Variants in LFNG observed in about 807,000 individuals in gnomAD.
LFNG encodes the protein beta-1,3-N-acetylglucosaminyltransferase lunatic fringe.
LFNG carries 15 observed loss-of-function variants against 32.7 expected under a neutral mutation model. That is an observed-to-expected ratio of 0.46 (90% CI 0.31 to 0.71). The LOEUF (loss-of-function observed/expected upper bound fraction) is 0.71, where lower values mean the gene tolerates loss of function less well. Among genes scored for constraint, LFNG ranks in the 30% least tolerant of loss-of-function variants. The pLI, the probability that LFNG is intolerant of heterozygous loss-of-function variation, is 0.06. For synonymous variants in LFNG, 274 were observed against 246.8 expected (o/e 1.11, Z -1.03); for missense variants, 520 against 545.7 (o/e 0.95, Z 0.47).
rs1221712648 is a variant in LFNG at position 2,519,997 on chromosome 7, G to T, written c.136G>T (p.Ala46Ser). The change falls in exon 1 of 8, where the codon GCG (alanine) becomes TCG (serine). Residue 46 changes from alanine (A) to serine (S), a missense_variant. By Grantham distance (99) the Ala-to-Ser change is moderately conservative. This residue lies in a region of LFNG where 360 missense variants were observed against 354.7 expected (regional missense o/e 1.01). Transcript: ENST00000222725. ...ERGRRALRSL[A>S]GPAGAAPAPG... ...CGGCCGGCGCGCGCTGCGCAGCCTGGCGGGCCCCGCGGGGGCTGCCCCGGC... is the reference window on the plus strand; with the variant it reads ...CGGCCGGCGCGCGCTGCGCAGCCTGTCGGGCCCCGCGGGGGCTGCCCCGGC... The T allele has an allele frequency of 2.0e-6, 2 of 983,436 alleles. No individual in the cohort carries two copies. Among genetic ancestry groups the T allele is most frequent in the East Asian group, 2.3e-4 (2 of 8,746 alleles). 60.9% of individuals were successfully genotyped at this position (983,436 alleles called of 1,614,324 possible). A position where few individuals can be genotyped will look rare whatever the true frequency, so the allele number is the denominator to read the frequency against.
At chr7:2,513,337 G>T (rs754983767), upstream of LFNG, 1 of 1,584,494 alleles carries the variant, frequency 6.3e-7, no homozygotes, top group Non-Finnish European at 8.6e-7. Flanking sequence ...AGGTGTGATC[G>T]CCATTCCTGG....
upstream of LFNG, among the ~76,000 whole-genome samples, chr7:2,517,515 C>T (rs962283388): frequency 6.6e-6 from 1 of 152,160 alleles, no homozygotes; most frequent in Non-Finnish European, 1.5e-5. Flanking sequence ...CACATTGCTC[C>T]CACGACCTGC....
rs1032403080 is a variant in LFNG at position 2,526,111 on chromosome 7, G to T, written c.822-133G>T. On this transcript the variant is annotated intron_variant, in intron 5 of 7. Transcript: ENST00000222725. This position sits in a 1 kb window ranked among gnomAD's most constrained non-coding sequence, Gnocchi z 6.9. Reference sequence around the variant, plus strand: ...TGGCTGTGGCCAGGGGAGGCAGAGGGAGCTGCAGCCCAGAGCTCTCCTCAG... The same window carrying T: ...TGGCTGTGGCCAGGGGAGGCAGAGGTAGCTGCAGCCCAGAGCTCTCCTCAG... 9.0e-6 allele frequency: 8 copies of T among 887,362 alleles called. No individual in the cohort carries two copies. The highest frequency in any genetic ancestry group is 1.7e-6 in the Non-Finnish European group (1 of 579,702). The allele number at this position is 887,362 out of a possible 1,614,324, so 55.0% of individuals were successfully genotyped here.
chr7:2,525,282 C>T lies in LFNG; in HGVS notation c.545C>T (p.Ala182Val), dbSNP rs868274958. ...HSRQALSCKMAVEYDRFIESG... is the reference protein window; with the variant it reads ...HSRQALSCKMVVEYDRFIESG... ...CGCCAGGCGCTGTCCTGCAAGATGGCCGTGGAGTATGACCGCTTCATCGAG... is the reference window on the plus strand; with the variant it reads ...CGCCAGGCGCTGTCCTGCAAGATGGTCGTGGAGTATGACCGCTTCATCGAG... The change falls in exon 3 of 8, where the codon GCC (alanine) becomes GTC (valine). Residue 182 changes from alanine to valine, a missense_variant. By Grantham distance (64) the Ala-to-Val change is moderately conservative. Around this residue, in one of 3 missense-constraint regions of LFNG, gnomAD observed 360 missense variants for 354.7 expected, o/e 1.01. Coordinates refer to ENST00000222725, the MANE Select transcript of LFNG (RefSeq NM_001040167.2). 1 of 1,613,016 alleles carries T rather than the reference C, an allele frequency of 6.2e-7. No individual in the cohort carries two copies. The highest frequency in any genetic ancestry group is 8.5e-7 in the Non-Finnish European group (1 of 1,179,896).
Position 2,526,228 on chromosome 7 carries a change from C to T in LFNG, c.822-16C>T. 1.2e-6 allele frequency: 2 copies of T among 1,612,354 alleles called. No homozygotes were observed. Among genetic ancestry groups the T allele is most frequent in the South Asian group, 1.1e-5 (1 of 91,076 alleles). On this transcript the variant is annotated splice_polypyrimidine_tract_variant and intron_variant, in intron 5 of 7. Transcript: ENST00000222725. This position sits in a 1 kb window ranked among gnomAD's most constrained non-coding sequence, Gnocchi z 6.9. Reference sequence around the variant, plus strand: ...TCCCGCCTCTGCTCACTGGTCTGGGCCCTTCCCTCCCGCAGCGGGGGTCAC... The same window carrying T: ...TCCCGCCTCTGCTCACTGGTCTGGGTCCTTCCCTCCCGCAGCGGGGGTCAC...
rs760970272 is a variant in LFNG, at chr7:2,526,264, C to T, written c.842C>T (p.Thr281Met). Residue 281 changes from threonine to methionine, a missense_variant, in exon 6 of 8, where the codon ACG becomes ATG. Around this residue, in one of 3 missense-constraint regions of LFNG, gnomAD observed 150 missense variants for 159.9 expected, o/e 0.94. Transcript: ENST00000222725. The surrounding 1 kb of genome is among the most constrained non-coding windows in gnomAD (Gnocchi z 6.9). ...PWASGGHFMN[T>M]AERIRLPDDC... The stretch of plus-strand genomic sequence containing the variant: ...CGCAGCGGGGGTCACTTCATGAATA[C>T]GGCTGAGCGGATCCGGCTGCCTGAT... 114 of 1,612,802 alleles carry T rather than the reference C, an allele frequency of 7.1e-5. No individual in the cohort carries two copies. The highest frequency in any genetic ancestry group is 1.8e-4 in the Admixed American group (11 of 60,004).
At chr7:2,528,997 G>A (rs1463420021), downstream of LFNG, 2 of 483,754 alleles carry the variant, frequency 4.1e-6, no homozygotes, top group African/African-American at 2.0e-5. Flanking sequence ...AGCTGGTAAT[G>A]CTGCACCTCC....
chr7:2,526,450 A>G lies in LFNG; in HGVS notation c.987+41A>G. On this transcript the variant is annotated intron_variant, in intron 6 of 7. Transcript: ENST00000222725. This position sits in a 1 kb window ranked among gnomAD's most constrained non-coding sequence, Gnocchi z 6.9. The stretch of plus-strand genomic sequence containing the variant: ...GGCCCCGCCAGGACTCCGAGAGCAC[A>G]GGAAGGGACGTGTGGCTGCCGAGAG... 1.9e-6 allele frequency: 3 copies of G among 1,598,866 alleles called. No homozygotes were observed. Among genetic ancestry groups the G allele is most frequent in the Non-Finnish European group, 2.5e-6 (3 of 1,178,052 alleles).
upstream of LFNG, chr7:2,517,680 AC>A (rs746775717): frequency 2.2e-6 from 1 of 461,050 alleles, no homozygotes; most frequent in Non-Finnish European, 4.3e-6. Flanking sequence ...CATGGCACCC[AC>A]CATCGGTGCC....
chr7:2,513,352 A>T (rs286560), upstream of LFNG: 1 of 1,565,930 alleles, frequency 6.4e-7, no homozygotes, highest in Non-Finnish European at 8.7e-7. Flanking sequence ...TCCTGGGGAC[A>T]TAACCTCCCC....
chr7:2,526,982 C>G lies in LFNG; in HGVS notation c.1073+61C>G. 6.6e-7 allele frequency: 1 copy of G among 1,506,158 alleles called. No homozygotes were observed. The highest frequency in any genetic ancestry group is 9.2e-7 in the Non-Finnish European group (1 of 1,088,476). The allele number at this position is 1,506,158 out of a possible 1,614,324, so 93.3% of individuals were successfully genotyped here. A position where few individuals can be genotyped will look rare whatever the true frequency, so the allele number is the denominator to read the frequency against. ...GTGGCCTAGGGGCGTCAGGGGGCCT[C>G]GTGGAGCTGCAGCAGGGTCTCTCTA... On this transcript the variant is annotated intron_variant, in intron 7 of 7. Coordinates refer to ENST00000222725, the MANE Select transcript of LFNG (RefSeq NM_001040167.2). The surrounding 1 kb of genome is among the most constrained non-coding windows in gnomAD (Gnocchi z 6.9).
Position 2,520,146 on chromosome 7 carries a change from C to T in LFNG, c.285C>T (p.Ala95=), listed in dbSNP as rs1159608993. The change falls in exon 1 of 8, where the codon GCC becomes GCT. Residue 95 remains alanine, a synonymous_variant. Transcript: ENST00000222725. The surrounding 1 kb of genome is among the most constrained non-coding windows in gnomAD (Gnocchi z 5.0). ...ATGCGGGCCCGCCGCCCGGGGCTGCCCCCCGCCCCGCCGACGGCCACCCGC... is the reference window on the plus strand; with the variant it reads ...ATGCGGGCCCGCCGCCCGGGGCTGCTCCCCGCCCCGCCGACGGCCACCCGC... ...RRDAGPPPGA[A]PRPADGHPRP... is the part of the protein sequence containing the mutation. 3 of 1,440,452 alleles carry T rather than the reference C, an allele frequency of 2.1e-6. No individual in the cohort carries two copies. Among genetic ancestry groups the T allele is most frequent in the Non-Finnish European group, 1.8e-6 (2 of 1,090,566 alleles). The allele number at this position is 1,440,452 out of a possible 1,614,324, so 89.2% of individuals were successfully genotyped here.
At chr7:2,513,296 C>A (rs778897262), upstream of LFNG, 12 of 1,610,778 alleles carry the variant, frequency 7.4e-6, no homozygotes, top group Admixed American at 1.5e-4. Context: ...AACACCAGCT[C>A]TCAGGTCCTA....
Position 2,526,509 on chromosome 7 carries a change from G to A in LFNG, c.987+100G>A. The A allele has an allele frequency of 7.4e-7, 1 of 1,342,380 alleles. No individual in the cohort carries two copies. The highest frequency in any genetic ancestry group is 1.0e-6 in the Non-Finnish European group (1 of 959,224). The allele number at this position is 1,342,380 out of a possible 1,614,324, so 83.2% of individuals were successfully genotyped here. On this transcript the variant is annotated intron_variant, in intron 6 of 7. Transcript: ENST00000222725. The surrounding 1 kb of genome is among the most constrained non-coding windows in gnomAD (Gnocchi z 6.9). ...TGGGGTGGGGCACTGTTCTAAACAG[G>A]GAGGCCAGGCAGCACTCCACTGTCA... is the stretch of plus-strand genomic sequence containing the variant.
rs1227438107 is a variant in LFNG at position 2,527,810 on chromosome 7, G to C, written c.*598G>C. Reference sequence around the variant, plus strand: ...CAGTGGCCCCACGAAGCCCCCAGTGGCTGGCTGTCCAGCTGGGCAAACAGT... The same window carrying C: ...CAGTGGCCCCACGAAGCCCCCAGTGCCTGGCTGTCCAGCTGGGCAAACAGT... On this transcript the variant is annotated 3_prime_UTR_variant, in exon 8 of 8. Transcript: ENST00000222725. The surrounding 1 kb of genome is among the most constrained non-coding windows in gnomAD (Gnocchi z 4.4). 1 of 1,004,444 alleles carries C rather than the reference G, an allele frequency of 1.0e-6. No individual in the cohort carries two copies. The highest frequency in any genetic ancestry group is 5.2e-5 in the Admixed American group (1 of 19,208). 62.2% of individuals were successfully genotyped at this position (1,004,444 alleles called of 1,614,324 possible). A position where few individuals can be genotyped will look rare whatever the true frequency, so the allele number is the denominator to read the frequency against.
chr7:2,520,298 GC>G lies in LFNG; in HGVS notation c.432+11del. On this transcript the variant is annotated splice_donor_region_variant and intron_variant, in intron 1 of 7. Transcript: ENST00000222725. The surrounding 1 kb of genome is among the most constrained non-coding windows in gnomAD (Gnocchi z 5.0). ...ATCTCGCGCCACAAGGAGATGGTGA[GC>G]CCCCCGCGGCCTGGACTGGCGGGCG... 6.2e-7 allele frequency: 1 copy of G among 1,607,008 alleles called. No homozygotes were observed. The highest frequency in any genetic ancestry group is 8.5e-7 in the Non-Finnish European group (1 of 1,177,020).
In LFNG at chr7:2,527,003, C is replaced by G; in HGVS notation, c.1073+82C>G. 3 of 1,450,008 alleles carry G rather than the reference C, an allele frequency of 2.1e-6. No individual in the cohort carries two copies. The highest frequency in any genetic ancestry group is 1.4e-5 in the African/African-American group (1 of 71,378). 89.8% of individuals were successfully genotyped at this position (1,450,008 alleles called of 1,614,324 possible). A position where few individuals can be genotyped will look rare whatever the true frequency, so the allele number is the denominator to read the frequency against. Reference sequence around the variant, plus strand: ...GCCTCGTGGAGCTGCAGCAGGGTCTCTCTAAGCGGCATGACTCTACATAGA... The same window carrying G: ...GCCTCGTGGAGCTGCAGCAGGGTCTGTCTAAGCGGCATGACTCTACATAGA... On this transcript the variant is annotated intron_variant, in intron 7 of 7. Coordinates refer to ENST00000222725, the MANE Select transcript of LFNG (RefSeq NM_001040167.2). The surrounding 1 kb of genome is among the most constrained non-coding windows in gnomAD (Gnocchi z 4.4).
In LFNG at chr7:2,519,856, C is replaced by A; in HGVS notation, c.-6C>A. On this transcript the variant is annotated 5_prime_UTR_variant, in exon 1 of 8. Transcript: ENST00000222725. ...GAAGGGCGCGCCGCGCGGCCGCCACCCCACCATGCTCAAGCGCTGCGGCCG... is the reference window on the plus strand; with the variant it reads ...GAAGGGCGCGCCGCGCGGCCGCCACACCACCATGCTCAAGCGCTGCGGCCG... The A allele has an allele frequency of 9.2e-7, 1 of 1,089,450 alleles. No individual in the cohort carries two copies. The highest frequency in any genetic ancestry group is 1.1e-6 in the Non-Finnish European group (1 of 897,334). 67.5% of individuals were successfully genotyped at this position (1,089,450 alleles called of 1,614,324 possible). A position where few individuals can be genotyped will look rare whatever the true frequency, so the allele number is the denominator to read the frequency against.
Position 2,526,355 on chromosome 7 carries a change from C to T in LFNG, c.933C>T (p.Phe311=). 6.2e-7 allele frequency: 1 copy of T among 1,612,104 alleles called. No individual in the cohort carries two copies. Among genetic ancestry groups the T allele is most frequent in the African/African-American group, 1.3e-5 (1 of 75,038 alleles). Residue 311 remains phenylalanine, a synonymous_variant, in exon 6 of 8, where the codon TTC becomes TTT. Transcript: ENST00000222725. This position sits in a 1 kb window ranked among gnomAD's most constrained non-coding sequence, Gnocchi z 6.9. The part of the protein sequence containing the change: ...LGVPLIRSGL[F]HSHLENLQQV... ...TGCCCCTCATCCGCAGCGGCCTCTT[C>T]CACTCCCACCTGGAGAACCTGCAGC...
Sources: allele counts gnomAD v4.1 joint callset (sites outside exome capture counted in the v4.1 genomes callset), GRCh38; gene constraint gnomAD v4.1.1; regional missense constraint gnomAD v4.1.1; non-coding constraint Gnocchi (gnomAD v3.1); transcripts MANE v1.5; gene names NCBI Gene and HGNC (gene_info 2026-07-23, HGNC 2026-07-21).